RGSL1: variants seen among roughly 807,000 people sequenced by gnomAD.
RGSL1 encodes regulator of G protein signaling protein-like.
In RGSL1, 97 loss-of-function variants were observed where a neutral mutation model predicts 124.7. The ratio of observed to expected loss-of-function variants is 0.78; its 90% CI spans 0.66 to 0.92. The LOEUF (loss-of-function observed/expected upper bound fraction) is 0.92, where lower values mean the gene tolerates loss of function less well. Among genes scored for constraint, RGSL1 ranks in the 40% least tolerant of loss-of-function variants. The pLI is 0.00. For synonymous variants in RGSL1, 424 were observed against 438.1 expected (o/e 0.97, Z 0.40); for missense variants, 1,233 against 1,288.4 (o/e 0.96, Z 0.66).
chr1:182,554,970 A>T (rs376671697), intron 20 of RGSL1: 4 of 420,800 alleles, frequency 9.5e-6, no homozygotes, highest in South Asian at 8.2e-5. Context: ...AGTGTCCCAG[A>T]TGATCTTTGA....
rs1656701827 is a variant in RGSL1, at chr1:182,504,924, T to C, written c.1825+11795T>C. 2.0e-5 allele frequency among the ~76,000 whole-genome samples: 3 copies of C among 152,208 alleles called. No homozygotes were observed. In the South Asian group the frequency reaches 6.2e-4, roughly 32 times the overall value. On this transcript the variant is annotated intron_variant, in intron 9 of 21. Coordinates refer to ENST00000294854, the MANE Select transcript of RGSL1 (RefSeq NM_001137669.2). ...CTGGAAACTAAATTTCAGCCAGAGG[T>C]GAAAGTTTTGGGTCTTCTAATGCCT... is the stretch of plus-strand genomic sequence containing the variant.
At chr1:182,554,748 T>C (rs1187430541) in intron 20 of RGSL1, 55 bp downstream of exon 20, 1 of 1,502,302 alleles carries the variant, frequency 6.7e-7, no homozygotes, top group Non-Finnish European at 9.1e-7. Flanking sequence ...TGTCCAAGCA[T>C]GCAATAGGAG....
chr1:182,531,097 G>C (rs1001409847), intron 13 of RGSL1, among the ~76,000 whole-genome samples, 187 bp downstream of exon 13: 1 of 152,162 alleles, frequency 6.6e-6, no homozygotes, highest in African/African-American at 2.4e-5. Context: ...AGGTACAGGG[G>C]TTGGACACAT....
chr1:182,503,512 A>T (rs1161606294), intron 9 of RGSL1, among the ~76,000 whole-genome samples: 1 of 148,582 alleles, frequency 6.7e-6, no homozygotes, highest in Non-Finnish European at 1.5e-5. Flanking sequence ...TATTTGTGGG[A>T]TCTAAAAATC....
At chr1:182,543,898 C>T (rs1017279793) in intron 15 of RGSL1, among the ~76,000 whole-genome samples, 20 of 152,024 alleles carry the variant, frequency 1.3e-4, no homozygotes, top group Admixed American at 1.2e-3. Flanking sequence ...CTTCTCTCTG[C>T]CTTTATCAGT....
intron 13 of RGSL1, 102 bp downstream of exon 13, chr1:182,531,012 TC>T: frequency 7.6e-7 from 1 of 1,322,230 alleles, no homozygotes; most frequent in South Asian, 1.4e-5. Context: ...AATCTGAGAC[TC>T]AGATAAATTA....
intron 3 of RGSL1, 59 bp from the exon 4 acceptor site, chr1:182,459,945 A>G (rs1432926808): frequency 2.6e-6 from 4 of 1,524,716 alleles, no homozygotes; most frequent in African/African-American, 1.4e-5. Context: ...ACTAAGTTGT[A>G]TTTTTTTAGC....
At chr1:182,463,456 A>G (rs1407018857) in intron 4 of RGSL1, among the ~76,000 whole-genome samples, 1 of 152,204 alleles carries the variant, frequency 6.6e-6, no homozygotes, top group Admixed American at 6.5e-5. Flanking sequence ...AAATGAATGG[A>G]TGGAAAAAAT....
chr1:182,487,958 G>A (rs1655217793), intron 6 of RGSL1, among the ~76,000 whole-genome samples: 1 of 152,088 alleles, frequency 6.6e-6, no homozygotes, highest in African/African-American at 2.4e-5. Flanking sequence ...GGGCCATTTT[G>A]AGAAAAAATG....
intron 1 of RGSL1, among the ~76,000 whole-genome samples, chr1:182,451,586 G>C (rs1245479787): frequency 6.7e-6 from 1 of 148,736 alleles, no homozygotes. Flanking sequence ...CCTTGGCTTA[G>C]CTTGCAAACA....
At chr1:182,530,494 A>C in intron 12 of RGSL1, 133 bp downstream of exon 12, 1 of 738,968 alleles carries the variant, frequency 1.4e-6, no homozygotes, top group Non-Finnish European at 2.2e-6. Flanking sequence ...TAAAAATTCA[A>C]ACTTATCTTG....
intron 3 of RGSL1, among the ~76,000 whole-genome samples, chr1:182,459,323 CCA>C (rs1652612537): frequency 6.6e-6 from 1 of 152,110 alleles, no homozygotes; most frequent in Non-Finnish European, 1.5e-5. Context: ...CTTAGACTTA[CCA>C]ATGGCTTCCA....
chr1:182,548,364 C>A lies in RGSL1; in HGVS notation c.2717C>A (p.Ala906Glu), dbSNP rs937262384. The A allele has an allele frequency of 6.4e-7, 1 of 1,551,928 alleles. No individual in the cohort carries two copies. Among genetic ancestry groups the A allele is most frequent in the African/African-American group, 1.4e-5 (1 of 73,108 alleles). The change falls in exon 16 of 22, where the codon GCA becomes GAA. Residue 906 changes from alanine to glutamate, a missense_variant. Physicochemically the swap from Ala to Glu is moderately radical, Grantham distance 107. Coordinates refer to ENST00000294854, the MANE Select transcript of RGSL1 (RefSeq NM_001137669.2). ...SSAHMLQVNRAYNENDVILMR... is the reference protein window; with the variant it reads ...SSAHMLQVNREYNENDVILMR... ...GCCCACATGCTGCAGGTCAACCGGG[C>A]ATATAATGAGAATGATGTGATCCTA...
intron 1 of RGSL1, chr1:182,453,688 G>A: frequency 3.0e-6 from 1 of 333,710 alleles, no homozygotes; most frequent in Non-Finnish European, 5.5e-6. Context: ...GTCACAGTAG[G>A]AAAAAAGAAA....
intron 19 of RGSL1, 27 bp downstream of exon 19, chr1:182,553,568 T>G (rs925565733): frequency 1.3e-6 from 2 of 1,543,146 alleles, no homozygotes; most frequent in South Asian, 1.2e-5. Context: ...TCCCCACTGA[T>G]AGTTTGCTAC....
intron 9 of RGSL1, among the ~76,000 whole-genome samples, chr1:182,514,671 G>A (rs1234661145): frequency 6.6e-6 from 1 of 152,208 alleles, no homozygotes; most frequent in Non-Finnish European, 1.5e-5. Flanking sequence ...CTGTTGGAGG[G>A]CAAGAGTGAG....
At chr1:182,458,652 T>G (rs1652552655) in intron 3 of RGSL1, among the ~76,000 whole-genome samples, 1 of 151,978 alleles carries the variant, frequency 6.6e-6, no homozygotes, top group African/African-American at 2.4e-5. Flanking sequence ...TTTGTATTTT[T>G]GGTAGAGACG....
At chr1:182,511,812 A>C (rs939447108) in intron 9 of RGSL1, among the ~76,000 whole-genome samples, 13 of 152,220 alleles carry the variant, frequency 8.5e-5, no homozygotes, top group Admixed American at 6.5e-5. Context: ...GGATGAATCT[A>C]TAAATTACTC....
At position 182,460,187 on chromosome 1, in the gene RGSL1, GAAA is replaced by G; in HGVS notation, c.301+55_301+57del. The G allele has an allele frequency of 2.0e-6, 3 of 1,478,652 alleles. No homozygotes were observed. In the African/African-American group the frequency reaches 4.6e-5, roughly 23 times the overall value. 91.6% of individuals were successfully genotyped at this position (1,478,652 alleles called of 1,614,324 possible). A position where few individuals can be genotyped will look rare whatever the true frequency, so the allele number is the denominator to read the frequency against. Reference sequence around the variant, plus strand: ...GTGTGTGTGTGTGTGTGTGTGTGTAGAAATATAGGAAGTCACACTTCATAATAA... The same window carrying G: ...GTGTGTGTGTGTGTGTGTGTGTGTAGTATAGGAAGTCACACTTCATAATAA... On this transcript the variant is annotated intron_variant, in intron 4 of 21. Coordinates refer to ENST00000294854, the MANE Select transcript of RGSL1 (RefSeq NM_001137669.2).
Sources: gnomAD v4.1 joint callset for allele counts (sites outside exome capture counted in the v4.1 genomes callset) on GRCh38, gnomAD v4.1.1 for gene constraint, MANE v1.5 for transcripts, NCBI Gene and HGNC (gene_info 2026-07-23, HGNC 2026-07-21) for gene names.